The following TNFAIP8 variants were observed in gnomAD, a reference collection of about 807,000 sequenced individuals.
TNFAIP8 encodes the protein tumor necrosis factor alpha-induced protein 8.
Under a neutral mutation model 13.3 loss-of-function variants are expected in TNFAIP8, and 7 were observed. That is an observed-to-expected ratio of 0.52 (90% confidence interval 0.30 to 0.99). The LOEUF (loss-of-function observed/expected upper bound fraction) is 0.99, where lower values mean the gene tolerates loss of function less well. TNFAIP8 is among the 50% of genes least tolerant of loss of function. TNFAIP8 has a pLI of 0.07. For synonymous variants in TNFAIP8, 94 were observed against 87.6 expected (o/e 1.07, Z -0.41); for missense variants, 258 against 236.9 (o/e 1.09, Z -0.58).
intron 1 of TNFAIP8, among the ~76,000 whole-genome samples, chr5:119,392,582 T>G (rs558614830): frequency 1.2e-4 from 19 of 152,142 alleles, no homozygotes; most frequent in African/African-American, 4.6e-4. Context: ...AAACTCCTGA[T>G]CTCAAGTGGT....
At chr5:119,341,506 C>A (rs1750736482) in intron 1 of TNFAIP8, among the ~76,000 whole-genome samples, 1 of 152,196 alleles carries the variant, frequency 6.6e-6, no homozygotes, top group Non-Finnish European at 1.5e-5. Flanking sequence ...CATCTGACTT[C>A]AACTATCACT....
chr5:119,376,534 T>A (rs1448407891), intron 1 of TNFAIP8, among the ~76,000 whole-genome samples: 1 of 152,156 alleles, frequency 6.6e-6, no homozygotes, highest in Non-Finnish European at 1.5e-5. Flanking sequence ...TCGGTTGTTT[T>A]ATAAAAATCA....
At chr5:119,353,846 C>T (rs1239540463), upstream of TNFAIP8, among the ~76,000 whole-genome samples, 3 of 152,146 alleles carry the variant, frequency 2.0e-5, no homozygotes, top group Non-Finnish European at 4.4e-5. Context: ...CAGATTGGGC[C>T]TGAAATTTGG....
At chr5:119,304,657 A>G (rs920336587) in intron 1 of TNFAIP8, among the ~76,000 whole-genome samples, 8 of 152,228 alleles carry the variant, frequency 5.3e-5, no homozygotes, top group East Asian at 1.9e-4. Context: ...GCTCACTTCT[A>G]TGAGATGAAA....
upstream of TNFAIP8, among the ~76,000 whole-genome samples, chr5:119,351,166 G>A (rs1348675385): frequency 6.6e-6 from 1 of 150,860 alleles, no homozygotes; most frequent in East Asian, 1.9e-4. Context: ...AGGACTACAG[G>A]CATGCACCAC....
intron 1 of TNFAIP8, among the ~76,000 whole-genome samples, chr5:119,274,663 G>A (rs1297850888): frequency 6.6e-6 from 1 of 152,214 alleles, no homozygotes; most frequent in Non-Finnish European, 1.5e-5. Flanking sequence ...GAGACCCTGT[G>A]TAAATAGGGA....
At chr5:119,274,985 A>C (rs1748394647) in intron 1 of TNFAIP8, among the ~76,000 whole-genome samples, 1 of 150,760 alleles carries the variant, frequency 6.6e-6, no homozygotes, top group African/African-American at 2.4e-5. Flanking sequence ...TTATTCAGGC[A>C]GCAGCTAGCT....
At chr5:119,278,370 AGAGAGAGTGT>A (rs1171539053) in intron 1 of TNFAIP8, among the ~76,000 whole-genome samples, 182 of 134,716 alleles carry the variant, frequency 1.4e-3, no homozygotes, top group African/African-American at 4.4e-3. Context: ...AGAGAGAGAG[AGAGAGAGTGT>A]GTGTGTGTGT....
At chr5:119,377,122 G>C (rs1376056305) in intron 1 of TNFAIP8, among the ~76,000 whole-genome samples, 1 of 152,184 alleles carries the variant, frequency 6.6e-6, no homozygotes, top group African/African-American at 2.4e-5. Context: ...TATTGAATGA[G>C]GCTGGGCCTG....
intron 1 of TNFAIP8, among the ~76,000 whole-genome samples, chr5:119,357,305 T>TG (rs1314001235): frequency 1.3e-5 from 2 of 152,158 alleles, no homozygotes; most frequent in African/African-American, 4.8e-5. Context: ...ATGTGGAGTA[T>TG]GGGGGGAGTA....
At chr5:119,295,964 G>C (rs1265939640) in intron 1 of TNFAIP8, among the ~76,000 whole-genome samples, 36 of 150,796 alleles carry the variant, frequency 2.4e-4, no homozygotes, top group Non-Finnish European at 5.0e-4. Flanking sequence ...TGTGATTTTT[G>C]TACATTGATT....
intron 1 of TNFAIP8, among the ~76,000 whole-genome samples, chr5:119,373,832 A>C (rs1341579937): frequency 1.3e-5 from 2 of 152,190 alleles, no homozygotes; most frequent in African/African-American, 2.4e-5. Context: ...ATTCACAGAG[A>C]ATGCCTGCGT....
At chr5:119,378,012 A>AT (rs1441861443) in intron 1 of TNFAIP8, among the ~76,000 whole-genome samples, 1 of 152,200 alleles carries the variant, frequency 6.6e-6, no homozygotes, top group East Asian at 1.9e-4. Context: ...GCTCAAATCC[A>AT]TTGTTGTCAT....
intron 1 of TNFAIP8, among the ~76,000 whole-genome samples, chr5:119,345,144 A>G (rs1308460759): frequency 6.6e-6 from 1 of 152,228 alleles, no homozygotes; most frequent in Non-Finnish European, 1.5e-5. Context: ...AAAATAATAC[A>G]TATATATTGA....
At chr5:119,386,461 G>A (rs1198411510) in intron 1 of TNFAIP8, among the ~76,000 whole-genome samples, 2 of 152,166 alleles carry the variant, frequency 1.3e-5, no homozygotes, top group African/African-American at 4.8e-5. Flanking sequence ...GACAATAAAG[G>A]GAATCTGGAA....
At chr5:119,300,418 T>C (rs1393647419) in intron 1 of TNFAIP8, among the ~76,000 whole-genome samples, 1 of 152,206 alleles carries the variant, frequency 6.6e-6, no homozygotes, top group African/African-American at 2.4e-5. Context: ...ATCTTCAATC[T>C]TTAAAAAGTA....
rs545032424 is a variant in TNFAIP8 at position 119,319,861 on chromosome 5, G to A, written c.1+50954G>A. Among the ~76,000 whole-genome samples, 9 of 152,316 alleles carry A rather than the reference G, an allele frequency of 5.9e-5. No individual in the cohort carries two copies. The South Asian group carries it at 1.0e-3, about 18-fold the overall frequency. On this transcript the variant is annotated intron_variant, in intron 1 of 1. Coordinates refer to the TNFAIP8 transcript ENST00000274456. ...TTAGGAAGTACATAATTAACAAGGT[G>A]GGACAGGAGTTACTAGTTTTCGTTT...
chr5:119,335,623 C>T (rs1750527818), intron 1 of TNFAIP8, among the ~76,000 whole-genome samples: 1 of 152,042 alleles, frequency 6.6e-6, no homozygotes, highest in Non-Finnish European at 1.5e-5. Context: ...GGTCTGTAAT[C>T]CTTCTGCCCT....
chr5:119,333,357 C>T (rs898322824), intron 1 of TNFAIP8: 2 of 1,300,178 alleles, frequency 1.5e-6, no homozygotes, highest in Admixed American at 7.4e-5. Context: ...ACCTAGCTCC[C>T]AGAATAACAA....
Sources: allele counts gnomAD v4.1 joint callset (sites outside exome capture counted in the v4.1 genomes callset), GRCh38; gene constraint gnomAD v4.1.1; transcripts MANE v1.5; gene names NCBI Gene and HGNC (gene_info 2026-07-23, HGNC 2026-07-21).